The following SPIDR variants were observed in gnomAD, a reference collection of about 807,000 sequenced individuals.
SPIDR encodes scaffold protein involved in DNA repair.
A neutral mutation model predicts 104.6 loss-of-function variants in SPIDR; 93 were observed. The ratio of observed to expected loss-of-function variants is 0.89; its 90% CI spans 0.75 to 1.06. The LOEUF (loss-of-function observed/expected upper bound fraction) is 1.06. Among genes scored for constraint, SPIDR ranks in the 50% least tolerant of loss-of-function variants. SPIDR has a pLI of 0.00. For synonymous variants in SPIDR, 431 were observed against 416.9 expected, an observed-to-expected ratio of 1.03 and a Z score of -0.41; for missense variants, 1,154 against 1,111.2, an observed-to-expected ratio of 1.04 and a Z score of -0.55.
At chr8:47,597,436 T>C (rs1362453259) in intron 9 of SPIDR, among the ~76,000 whole-genome samples, 1 of 152,156 alleles carries the variant, frequency 6.6e-6, no homozygotes, top group East Asian at 1.9e-4. Flanking sequence ...ACACACTACT[T>C]TTGTTTACAC....
At chr8:47,709,450 A>G (rs994679497) in intron 14 of SPIDR, among the ~76,000 whole-genome samples, 1 of 151,840 alleles carries the variant, frequency 6.6e-6, no homozygotes, top group African/African-American at 2.4e-5. Flanking sequence ...TAATTTTGGT[A>G]TTTTTAGTAG....
At chr8:47,326,874 TC>T (rs1275086653) in intron 5 of SPIDR, among the ~76,000 whole-genome samples, 1 of 152,234 alleles carries the variant, frequency 6.6e-6, no homozygotes, top group Non-Finnish European at 1.5e-5. Flanking sequence ...ATTTATTTCC[TC>T]CCTTTGGCTA....
chr8:47,718,509 T>A (rs1169146623), intron 16 of SPIDR, among the ~76,000 whole-genome samples: 1 of 152,160 alleles, frequency 6.6e-6, no homozygotes, highest in African/African-American at 2.4e-5. Context: ...TTGGCTCTTT[T>A]TTTTTTTCAT....
rs537151274 is a variant in SPIDR, at chr8:47,350,682, T to A, written c.526-45694T>A. 2.0e-5 allele frequency among the ~76,000 whole-genome samples: 3 copies of A among 152,352 alleles called. No individual in the cohort carries two copies. The South Asian group carries it at 6.2e-4, about 32-fold the overall frequency. ...TATTATTTTGCGACCATATCTAACATCTTTTCCTAGCTGTTGACCACAGCC... is the reference window on the plus strand; with the variant it reads ...TATTATTTTGCGACCATATCTAACAACTTTTCCTAGCTGTTGACCACAGCC... On this transcript the variant is annotated intron_variant, in intron 5 of 19. Coordinates refer to ENST00000297423, the MANE Select transcript of SPIDR (RefSeq NM_001080394.4).
intron 3 of SPIDR, 110 bp downstream of exon 3, chr8:47,284,204 A>G (rs2038361947): frequency 5.4e-6 from 4 of 747,452 alleles, no homozygotes; most frequent in Admixed American, 2.5e-5. Context: ...TGGGTAGACT[A>G]TATTCATAGT....
intron 8 of SPIDR, chr8:47,546,950 A>C (rs1029591019): frequency 2.0e-6 from 1 of 489,758 alleles, no homozygotes; most frequent in Non-Finnish European, 4.0e-6. Context: ...AAGCTGTTCC[A>C]TTGGCATCTT....
chr8:47,683,693 C>T (rs897188417), intron 11 of SPIDR, among the ~76,000 whole-genome samples: 8 of 152,160 alleles, frequency 5.3e-5, no homozygotes, highest in African/African-American at 1.7e-4. Flanking sequence ...TTGAGTGTCA[C>T]ATCAGTGCAC....
At chr8:47,463,534 A>G (rs1252745047) in intron 8 of SPIDR, among the ~76,000 whole-genome samples, 1 of 152,106 alleles carries the variant, frequency 6.6e-6, no homozygotes, top group Non-Finnish European at 1.5e-5. Context: ...TGAGGCTAGC[A>G]TTACCCTGTT....
chr8:47,544,712 C>G (rs921412553), intron 8 of SPIDR, among the ~76,000 whole-genome samples: 1 of 152,226 alleles, frequency 6.6e-6, no homozygotes, highest in African/African-American at 2.4e-5. Flanking sequence ...TTTGTACCAT[C>G]ACACAGTCAT....
At chr8:47,425,748 A>G (rs1456439086) in intron 7 of SPIDR, among the ~76,000 whole-genome samples, 2 of 152,204 alleles carry the variant, frequency 1.3e-5, no homozygotes, top group African/African-American at 4.8e-5. Flanking sequence ...CATTATATTC[A>G]CACAGTAAAA....
chr8:47,538,204 C>G (rs755225837), intron 8 of SPIDR, among the ~76,000 whole-genome samples: 1 of 151,774 alleles, frequency 6.6e-6, no homozygotes, highest in African/African-American at 2.4e-5. Flanking sequence ...AATAGGAGTT[C>G]CCAGAGGTTG....
intron 6 of SPIDR, among the ~76,000 whole-genome samples, chr8:47,402,560 G>T (rs1023047814): frequency 7.2e-5 from 11 of 152,290 alleles, no homozygotes; most frequent in African/African-American, 2.4e-4. Context: ...TACCATCAGA[G>T]AATGCTATAA....
chr8:47,536,855 A>C (rs1279505262), intron 8 of SPIDR, among the ~76,000 whole-genome samples: 1 of 152,224 alleles, frequency 6.6e-6, no homozygotes, highest in Non-Finnish European at 1.5e-5. Flanking sequence ...TATACTAAGA[A>C]CTTTTAAAAC....
intron 5 of SPIDR, among the ~76,000 whole-genome samples, chr8:47,336,082 T>A (rs1463540094): frequency 4.6e-5 from 7 of 152,206 alleles, no homozygotes; most frequent in Non-Finnish European, 8.8e-5. Flanking sequence ...TCCCATTAAG[T>A]GTACATTTTA....
intron 11 of SPIDR, among the ~76,000 whole-genome samples, chr8:47,694,036 A>C (rs2079021174): frequency 6.6e-6 from 1 of 152,084 alleles, no homozygotes; most frequent in Non-Finnish European, 1.5e-5. Flanking sequence ...CTTTCTCAAC[A>C]CTGCAGGTTG....
At chr8:47,311,951 T>C (rs1311131085) in intron 5 of SPIDR, among the ~76,000 whole-genome samples, 2 of 152,142 alleles carry the variant, frequency 1.3e-5, no homozygotes, top group African/African-American at 4.8e-5. Flanking sequence ...TTCCCACCTA[T>C]GAGTGAGAAC....
intron 7 of SPIDR, among the ~76,000 whole-genome samples, chr8:47,417,434 A>C (rs1554676247): frequency 6.6e-6 from 1 of 152,144 alleles, no homozygotes; most frequent in East Asian, 1.9e-4. Flanking sequence ...TCTTGTGAGA[A>C]GTGTCTGTTC....
Position 47,455,694 on chromosome 8 carries a change from CA to C in SPIDR, c.1097+15153del, listed in dbSNP as rs201968452. On this transcript the variant is annotated intron_variant, in intron 8 of 19. Transcript: ENST00000297423. The stretch of plus-strand genomic sequence containing the variant: ...AAAGAATGAAAATGCTAAAAAAGAA[CA>C]GGGGTGACTATATTATTATCAGACA... Among the ~76,000 whole-genome samples the C allele has an allele frequency of 1.2e-4, 19 of 152,154 alleles. No individual in the cohort carries two copies. The East Asian group carries it at 3.7e-3, about 29-fold the overall frequency.
At position 47,349,568 on chromosome 8, in the gene SPIDR, C is replaced by T. The variant is rs148759676; in HGVS notation, c.526-46808C>T. On this transcript the variant is annotated intron_variant, in intron 5 of 19. Coordinates refer to ENST00000297423, the MANE Select transcript of SPIDR (RefSeq NM_001080394.4). ...TGCCTTTTGTTCAGCTATGCCCTGC[C>T]CCCAGAGGTGGAGGCTACAGAGGCA... Among the ~76,000 whole-genome samples the T allele has an allele frequency of 1.8e-4, 27 of 152,304 alleles. No homozygotes were observed. The East Asian group carries it at 5.2e-3, about 29-fold the overall frequency.
Sources: gnomAD v4.1 joint callset for allele counts (sites outside exome capture counted in the v4.1 genomes callset) on GRCh38, gnomAD v4.1.1 for gene constraint, MANE v1.5 for transcripts, NCBI Gene and HGNC (gene_info 2026-07-23, HGNC 2026-07-21) for gene names.